DLG1: variants seen among roughly 807,000 people sequenced by gnomAD.
DLG1 encodes discs large MAGUK scaffold protein 1.
Under a neutral mutation model 123.4 loss-of-function variants are expected in DLG1, and 42 were observed. That is an observed-to-expected ratio of 0.34 (90% confidence interval 0.27 to 0.44). The LOEUF is 0.44. DLG1 is among the 20% of genes least tolerant of loss of function. DLG1 has a pLI of 1.00. For synonymous variants in DLG1, 317 were observed against 356.2 expected, an observed-to-expected ratio of 0.89 and a Z score of 1.24; for missense variants, 942 against 1,082.6, an observed-to-expected ratio of 0.87 and a Z score of 1.82.
intron 5 of DLG1, among the ~76,000 whole-genome samples, chr3:197,175,263 C>G (rs763065754): frequency 6.6e-6 from 1 of 152,116 alleles, no homozygotes; most frequent in Non-Finnish European, 1.5e-5. Flanking sequence ...TTACCTTTAT[C>G]AAAATTCTAA....
intron 23 of DLG1, among the ~76,000 whole-genome samples, chr3:197,053,546 C>T (rs887537056): frequency 7.3e-5 from 11 of 151,222 alleles, no homozygotes; most frequent in Non-Finnish European, 1.0e-4. Context: ...CCGAGGCAGG[C>T]GGATCACCTG....
intron 4 of DLG1, among the ~76,000 whole-genome samples, chr3:197,203,736 A>G (rs1321523109): frequency 1.3e-5 from 2 of 152,234 alleles, no homozygotes; most frequent in African/African-American, 4.8e-5. Flanking sequence ...TTTCAAGAGC[A>G]AAACTATATT....
At chr3:197,140,019 C>T in intron 8 of DLG1, 121 bp downstream of exon 8, 1 of 1,075,074 alleles carries the variant, frequency 9.3e-7, no homozygotes, top group Non-Finnish European at 1.3e-6. Flanking sequence ...GTTGTTAAAG[C>T]ATCTACCCTA....
At chr3:197,221,034 T>C (rs1171468839) in intron 4 of DLG1, among the ~76,000 whole-genome samples, 1 of 152,258 alleles carries the variant, frequency 6.6e-6, no homozygotes, top group Non-Finnish European at 1.5e-5. Flanking sequence ...TTTGAAACAG[T>C]ATTCTTAAAT....
rs1488085873 is a variant in DLG1 at position 197,297,242 on chromosome 3, AACAC to A, written c.-31-11_-31-8del. ...TCAGGAAGAGGGCACACACCTTTAA[AACAC>A]ACAACGGAAAGGAAAAAGGATAGAA... On this transcript the variant is annotated splice_region_variant and splice_polypyrimidine_tract_variant and intron_variant, in intron 1 of 24. Coordinates refer to ENST00000667157, the MANE Select transcript of DLG1 (RefSeq NM_001366207.1). 2.5e-6 allele frequency: 4 copies of A among 1,613,876 alleles called. No homozygotes were observed. The East Asian group carries it at 8.9e-5, about 36-fold the overall frequency.
chr3:197,233,868 A>C (rs1744589054), intron 4 of DLG1, among the ~76,000 whole-genome samples: 1 of 152,224 alleles, frequency 6.6e-6, no homozygotes, highest in Admixed American at 6.5e-5. Flanking sequence ...TATCTCATAC[A>C]GTTTGCTTCA....
intron 18 of DLG1, among the ~76,000 whole-genome samples, chr3:197,074,690 A>G (rs1228965043): frequency 6.6e-6 from 1 of 152,104 alleles, no homozygotes; most frequent in Non-Finnish European, 1.5e-5. Flanking sequence ...CCCTTACTAA[A>G]TCCTATAAAG....
chr3:197,260,800 A>C (rs1311039359), intron 4 of DLG1, among the ~76,000 whole-genome samples: 2 of 148,746 alleles, frequency 1.3e-5, no homozygotes, highest in Non-Finnish European at 3.0e-5. Context: ...AAAAATATGC[A>C]AGCAAACATT....
intron 22 of DLG1, among the ~76,000 whole-genome samples, chr3:197,062,295 T>C (rs886439467): frequency 3.9e-5 from 6 of 152,216 alleles, no homozygotes; most frequent in East Asian, 1.9e-4. Context: ...GAATTTTTCA[T>C]GTAATTCATT....
At chr3:197,083,058 A>G (rs1752164159) in intron 16 of DLG1, among the ~76,000 whole-genome samples, 1 of 152,216 alleles carries the variant, frequency 6.6e-6, no homozygotes, top group Non-Finnish European at 1.5e-5. Context: ...AAAGCAGACT[A>G]TGTTCTATTT....
chr3:197,159,681 T>C (rs568141685), intron 5 of DLG1, among the ~76,000 whole-genome samples: 3 of 152,332 alleles, frequency 2.0e-5, no homozygotes, highest in East Asian at 1.9e-4. Context: ...AATGTACACA[T>C]TGTACTTCAC....
intron 4 of DLG1, among the ~76,000 whole-genome samples, chr3:197,264,033 T>C (rs932390577): frequency 1.3e-5 from 2 of 152,124 alleles, no homozygotes; most frequent in African/African-American, 2.4e-5. Context: ...TAAGATGAAA[T>C]AGTCAAATAT....
At chr3:197,160,785 G>C (rs1380273019) in intron 5 of DLG1, among the ~76,000 whole-genome samples, 2 of 151,904 alleles carry the variant, frequency 1.3e-5, no homozygotes, top group Non-Finnish European at 2.9e-5. Context: ...AGCTTATTTT[G>C]AAACTGTTTA....
rs886595370 is a variant in DLG1 at position 197,046,120 on chromosome 3, C to G, written c.2576-1391G>C. On this transcript the variant is annotated intron_variant, in intron 24 of 24. Transcript: ENST00000667157. ...GTCCCTGAAGACTCAGTTCATTTGA[C>G]AAAATACTTGGTTCGTGGGTTTGGC... is the stretch of plus-strand genomic sequence containing the variant. 3.3e-5 allele frequency among the ~76,000 whole-genome samples: 5 copies of G among 152,166 alleles called. No homozygotes were observed. The East Asian group carries it at 9.6e-4, about 29-fold the overall frequency.
intron 4 of DLG1, among the ~76,000 whole-genome samples, chr3:197,278,092 C>A (rs1359744618): frequency 1.3e-5 from 2 of 151,646 alleles, no homozygotes; most frequent in African/African-American, 4.8e-5. Flanking sequence ...TGAGACCAGC[C>A]TGGCCAACAT....
In DLG1 at chr3:197,043,912, G is replaced by A. The variant is rs1213715404; in HGVS notation, c.*711C>T. 1 of 152,084 alleles carries A rather than the reference G, an allele frequency of 6.6e-6. No homozygotes were observed. Among genetic ancestry groups the A allele is most frequent in the Non-Finnish European group, 1.5e-5 (1 of 68,018 alleles). 9.4% of individuals were successfully genotyped at this position (152,084 alleles called of 1,614,324 possible). ...ATGGCCTCAATTCACGAAATGTGAT[G>A]ATCATTTACATATGAACAACTTTTG... On this transcript the variant is annotated 3_prime_UTR_variant, in exon 25 of 25. Transcript: ENST00000667157.
chr3:197,128,800 G>A (rs1330171023), intron 11 of DLG1, among the ~76,000 whole-genome samples: 1 of 152,104 alleles, frequency 6.6e-6, no homozygotes, highest in Admixed American at 6.5e-5. Flanking sequence ...GGGCAGCTAG[G>A]TGCATTGTCT....
intron 20 of DLG1, among the ~76,000 whole-genome samples, chr3:197,066,247 T>G (rs1739457615): frequency 6.6e-6 from 1 of 152,026 alleles, no homozygotes; most frequent in Admixed American, 6.6e-5. Flanking sequence ...CTGGGTGGTC[T>G]GGGATCATGC....
chr3:197,119,501 T>A lies in DLG1; in HGVS notation c.1195A>T (p.Ser399Cys). Residue 399 changes from serine (S) to cysteine (C), a missense_variant, in exon 12 of 25, where the codon AGC becomes TGC. Coordinates refer to ENST00000667157, the MANE Select transcript of DLG1 (RefSeq NM_001366207.1). ...GTCTGGCCCAAGAAGGAAGATGGGCTAACATGGTTATCAACAGGCTGAGAA... is the reference window on the plus strand; with the variant it reads ...GTCTGGCCCAAGAAGGAAGATGGGCAAACATGGTTATCAACAGGCTGAGAA... ...SSSQPVDNHV[S>C]PSSFLGQTPA... 6.2e-7 allele frequency: 1 copy of A among 1,611,332 alleles called. No individual in the cohort carries two copies. Among genetic ancestry groups the A allele is most frequent in the South Asian group, 1.1e-5 (1 of 90,988 alleles).
Sources: allele counts gnomAD v4.1 joint callset (sites outside exome capture counted in the v4.1 genomes callset), GRCh38; gene constraint gnomAD v4.1.1; transcripts MANE v1.5; gene names NCBI Gene and HGNC (gene_info 2026-07-23, HGNC 2026-07-21).